GCNA: variants seen among roughly 807,000 people sequenced by gnomAD.
The protein encoded by GCNA is germ cell nuclear acidic peptidase, also known as germ cell nuclear acidic protein.
A neutral mutation model predicts 38.8 loss-of-function variants in GCNA; 3 were observed. The observed-to-expected ratio is 0.08, with a 90% CI of 0.04 to 0.20. The LOEUF (loss-of-function observed/expected upper bound fraction) is 0.20, where lower values mean the gene tolerates loss of function less well. GCNA is among the 10% of genes least tolerant of loss of function. GCNA has a pLI of 1.00. For synonymous variants in GCNA, 195 were observed against 240.2 expected (o/e 0.81, Z 1.74); for missense variants, 446 against 578.6 (o/e 0.77, Z 2.35).
chrX:71,581,432 T>C (rs1266285048), intron 2 of GCNA, among the ~76,000 whole-genome samples: 1 of 111,604 alleles, frequency 9.0e-6, no homozygotes, highest in Non-Finnish European at 1.9e-5. Flanking sequence ...GTCTCTAAGT[T>C]TTTTCTCTTC....
intron 9 of GCNA, among the ~76,000 whole-genome samples, chrX:71,607,600 G>C (rs183954567): frequency 8.9e-6 from 1 of 111,991 alleles, no homozygotes; most frequent in East Asian, 2.8e-4. Context: ...TTTGAATTAG[G>C]CCTTGAAAGA....
At chrX:71,612,704 C>T (rs1021799797) in intron 12 of GCNA, 145 bp downstream of exon 12, 52 of 931,252 alleles carry the variant, frequency 5.6e-5, no homozygotes, top group Middle Eastern at 4.0e-4. Flanking sequence ...CTTTCTCTTC[C>T]GTAATTTGAG....
rs1243447124 is a variant in GCNA, at chrX:71,610,774, C to T, written c.1705C>T (p.Arg569Cys). ...TGEMWYPKWR[R>C]FAKIQIGLKV... Reference sequence around the variant, plus strand: ...TGAGATGTGGTACCCAAAGTGGCGGCGCTTTGCCAAGATCCAGATTGGCTT... The same window carrying T: ...TGAGATGTGGTACCCAAAGTGGCGGTGCTTTGCCAAGATCCAGATTGGCTT... Residue 569 changes from arginine to cysteine, a missense_variant, in exon 11 of 13, where the codon CGC (arginine) becomes TGC (cysteine). This residue lies in a region of GCNA where 60 missense variants were observed against 111.0 expected (regional missense o/e 0.54). Transcript: ENST00000373696. The T allele has an allele frequency of 5.8e-6, 7 of 1,212,154 alleles. No homozygotes were observed. The highest frequency in any genetic ancestry group is 5.6e-6 in the Non-Finnish European group (5 of 895,538).
chrX:71,592,096 A>G (rs1193632949), intron 2 of GCNA, 26 bp from the exon 3 acceptor site: 15 of 1,165,787 alleles, frequency 1.3e-5, no homozygotes, highest in Non-Finnish European at 1.6e-5. Flanking sequence ...CCCTCCTTTT[A>G]TAAAGTATCT....
chrX:71,600,157 G>A (rs762891745), intron 7 of GCNA, among the ~76,000 whole-genome samples: 3 of 111,903 alleles, frequency 2.7e-5, no homozygotes, highest in Non-Finnish European at 5.6e-5. Context: ...AGGCAGTGAT[G>A]TTCCAAATGT....
At chrX:71,602,022 G>A in intron 7 of GCNA, among the ~76,000 whole-genome samples, 1 of 111,633 alleles carries the variant, frequency 9.0e-6, no homozygotes, top group Admixed American at 9.5e-5. Flanking sequence ...AGTTTTTTGA[G>A]GAACCACCAA....
chrX:71,605,719 C>T lies in GCNA; in HGVS notation c.1456C>T (p.Arg486Cys), dbSNP rs374858167. 55 of 1,206,596 alleles carry T rather than the reference C, an allele frequency of 4.6e-5. No homozygotes were observed. The highest frequency in any genetic ancestry group is 5.9e-5 in the Non-Finnish European group (53 of 892,835). The change falls in exon 9 of 13, where the codon CGC becomes TGC. Residue 486 changes from arginine to cysteine, a missense_variant. This residue lies in a region of GCNA where 160 missense variants were observed against 165.2 expected (regional missense o/e 0.97). Transcript: ENST00000373696. Reference protein sequence around the residue: ...KKPGAAKVEKRKTRTPKCKVP... With the variant: ...KKPGAAKVEKCKTRTPKCKVP... Reference sequence around the variant, plus strand: ...ACCCGGTGCAGCAAAAGTTGAAAAACGCAAGACTAGGTATGTACTGCTCGC... The same window carrying T: ...ACCCGGTGCAGCAAAAGTTGAAAAATGCAAGACTAGGTATGTACTGCTCGC...
intron 2 of GCNA, among the ~76,000 whole-genome samples, chrX:71,589,127 A>AT (rs1328225492): frequency 1.8e-5 from 2 of 110,920 alleles, no homozygotes; most frequent in Non-Finnish European, 3.8e-5. Flanking sequence ...AAGTGTTGGG[A>AT]TTATAGGCAT....
rs752274226 is a variant in GCNA at position 71,579,142 on chromosome X, C to T, written c.-3+620C>T. On this transcript the variant is annotated intron_variant, in intron 1 of 12. Transcript: ENST00000373696. ...ATGTAGGAATACGTGGCGCCGGTGG[C>T]GGCGCGGGGAGAAGTGAGGGCGCTG... is the stretch of plus-strand genomic sequence containing the variant. 7.2e-5 allele frequency among the ~76,000 whole-genome samples: 7 copies of T among 96,828 alleles called. No homozygotes were observed. In the South Asian group the frequency reaches 2.5e-3, roughly 35 times the overall value. The allele number at this position is 96,828 out of a possible 115,157, so 84.1% of individuals were successfully genotyped here. A position where few individuals can be genotyped will look rare whatever the true frequency, so the allele number is the denominator to read the frequency against.
At chrX:71,608,878 G>A in intron 9 of GCNA, 95 bp from the exon 10 acceptor site, 1 of 1,005,990 alleles carries the variant, frequency 9.9e-7, no homozygotes. Context: ...GGAAGAGGGA[G>A]CAACATGTTT....
Position 71,597,964 on chromosome X carries a change from T to G in GCNA, c.236T>G (p.Ile79Ser). The G allele has an allele frequency of 8.3e-7, 1 of 1,209,714 alleles. No individual in the cohort carries two copies. Reference sequence around the variant, plus strand: ...TCATCACTCAGCTCCGTGGTAGTGATTGACTCTGATTCTGATGAGGAATGT... The same window carrying G: ...TCATCACTCAGCTCCGTGGTAGTGAGTGACTCTGATTCTGATGAGGAATGT... ...PKRQASSVVV[I>S]DSDSDEECHT... The change falls in exon 7 of 13, where the codon ATT becomes AGT. Residue 79 changes from isoleucine (I) to serine (S), a missense_variant. Transcript: ENST00000373696.
chrX:71,598,396 G>A (rs901153436), intron 7 of GCNA, among the ~76,000 whole-genome samples: 1 of 112,049 alleles, frequency 8.9e-6, no homozygotes, highest in African/African-American at 3.2e-5. Context: ...CCCGCTCTAT[G>A]TGTGGGAATG....
In GCNA at chrX:71,597,997, A is replaced by G; in HGVS notation, c.269A>G (p.His90Arg). 5 of 1,211,184 alleles carry G rather than the reference A, an allele frequency of 4.1e-6. No individual in the cohort carries two copies. The highest frequency in any genetic ancestry group is 3.0e-5 in the East Asian group (1 of 33,856). Residue 90 changes from histidine (H) to arginine (R), a missense_variant, in exon 7 of 13, where the codon CAT (histidine) becomes CGT (arginine). Coordinates refer to ENST00000373696, the MANE Select transcript of GCNA (RefSeq NM_052957.5). The part of the protein sequence containing the change: ...DSDSDEECHT[H>R]EEKKAKLLEI... ...GATTCTGATGAGGAATGTCACACCC[A>G]TGAAGAGAAGAAAGCTAAGTTATTG...
intron 9 of GCNA, among the ~76,000 whole-genome samples, chrX:71,606,762 C>T (rs750586489): frequency 3.9e-4 from 44 of 111,726 alleles, no homozygotes; most frequent in Non-Finnish European, 7.0e-4. Context: ...CCCCTTTCAG[C>T]AAGGTTTCTG....
At chrX:71,579,084 G>A (rs1292799168) in intron 1 of GCNA, among the ~76,000 whole-genome samples, 3 of 107,550 alleles carry the variant, frequency 2.8e-5, no homozygotes, top group Non-Finnish European at 5.8e-5. Flanking sequence ...AGCGCTGGTG[G>A]TGGCGTAGGA....
chrX:71,581,834 GTAAA>G (rs1446173348), intron 2 of GCNA, among the ~76,000 whole-genome samples: 2 of 111,444 alleles, frequency 1.8e-5, no homozygotes, highest in East Asian at 2.8e-4. Flanking sequence ...CATAAATATG[GTAAA>G]TAAACTGGAA....
chrX:71,578,589 G>T (rs1294890414), intron 1 of GCNA, 67 bp downstream of exon 1: 1 of 112,442 alleles, frequency 8.9e-6, no homozygotes, highest in Non-Finnish European at 1.9e-5. Flanking sequence ...CTAATTGAGT[G>T]ACTTAATTAA....
rs762622613 is a variant in GCNA, at chrX:71,598,034, C to G, written c.306C>G (p.Ser102Arg). 1 of 1,193,171 alleles carries G rather than the reference C, an allele frequency of 8.4e-7. No homozygotes were observed. The highest frequency in any genetic ancestry group is 1.1e-6 in the Non-Finnish European group (1 of 879,089). ...EKKAKLLEIN[S>R]DDESPECCHV... ...AAGCTAAGTTATTGGAAATAAACAG[C>G]GACGGCAAGTATATATTACTTTGTT... Residue 102 changes from serine to arginine, a missense_variant, in exon 7 of 13, where the codon AGC becomes AGG. Physicochemically the swap from Ser to Arg is moderately radical, Grantham distance 110 (BLOSUM62 -1). Transcript: ENST00000373696.
In GCNA at chrX:71,604,210, T is replaced by C. The variant is rs1243267073; in HGVS notation, c.933T>C (p.Asp311=). 8.3e-7 allele frequency: 1 copy of C among 1,211,434 alleles called. No individual in the cohort carries two copies. Among genetic ancestry groups the C allele is most frequent in the African/African-American group, 1.7e-5 (1 of 57,582 alleles). The change falls in exon 8 of 13, where the codon GAT becomes GAC. Residue 311 remains aspartate (D), a synonymous_variant. Transcript: ENST00000373696. The part of the protein sequence containing the change: ...DSEAPDDKSD[D]SDVPEDKSDD... ...AAGCTCCCGACGACAAGAGTGATGA[T>C]TCGGATGTTCCCGAAGACAAGAGTG...
Sources: allele counts gnomAD v4.1 joint callset (sites outside exome capture counted in the v4.1 genomes callset), GRCh38; gene constraint gnomAD v4.1.1; regional missense constraint gnomAD v4.1.1; transcripts MANE v1.5; gene names NCBI Gene and HGNC (gene_info 2026-07-23, HGNC 2026-07-21).